The following TRIP11 variants were observed in gnomAD, a reference collection of about 807,000 sequenced individuals.
TRIP11 encodes the protein thyroid receptor-interacting protein 11.
TRIP11 carries 148 observed loss-of-function variants against 223.1 expected under a neutral mutation model. The ratio of observed to expected loss-of-function variants is 0.66; its 90% confidence interval spans 0.58 to 0.76. TRIP11 has a LOEUF of 0.76. Ranked by LOEUF, TRIP11 falls within the 30% of genes least tolerant of loss-of-function variation. The pLI is 0.00. For synonymous variants in TRIP11, 762 were observed against 772.6 expected (o/e 0.99, Z 0.23); for missense variants, 2,043 against 2,222.0 (o/e 0.92, Z 1.62).
rs1204546761 is a variant in TRIP11, at chr14:91,999,307, G to A, written c.4825C>T (p.Leu1609=). The A allele has an allele frequency of 1.9e-6, 3 of 1,613,842 alleles. No individual in the cohort carries two copies. In the South Asian group the frequency reaches 3.3e-5, roughly 18 times the overall value. The part of the protein sequence containing the change: ...ALAAEDREAK[L]RKKVTVLEEK... The stretch of plus-strand genomic sequence containing the variant: ...TCCAATACTGTGACTTTCTTTCTTA[G>A]TTTAGCCTCTCTATCTTCTGCAGCC... Residue 1609 remains leucine, a synonymous_variant, in exon 13 of 21, where the codon CTA becomes TTA. Transcript: ENST00000267622.
rs2056894819 is a variant in TRIP11, at chr14:92,005,870, CTGAT to C, written c.2102_2105del (p.Asn701SerfsTer13). On this transcript the variant is annotated frameshift_variant, in exon 11 of 21. Coordinates refer to ENST00000267622, the MANE Select transcript of TRIP11 (RefSeq NM_004239.4). LOFTEE classifies it high-confidence loss of function. ...CAATAGTGTTTTTTTCCAGAGAAAG[CTGAT>C]TGTTACCAGCAAGACATTCTTCTAA... is the stretch of plus-strand genomic sequence containing the variant. 1 of 1,614,000 alleles carries C rather than the reference CTGAT, an allele frequency of 6.2e-7. No homozygotes were observed. The highest frequency in any genetic ancestry group is 8.5e-7 in the Non-Finnish European group (1 of 1,180,002).
chr14:92,018,209 C>T (rs1240999015), intron 4 of TRIP11, among the ~76,000 whole-genome samples: 2 of 151,942 alleles, frequency 1.3e-5, no homozygotes, highest in African/African-American at 4.8e-5. Context: ...ATCCTCCCAC[C>T]TCAGCCTTCC....
chr14:91,992,871 T>C (rs1047907182), intron 15 of TRIP11, among the ~76,000 whole-genome samples: 2 of 116,886 alleles, frequency 1.7e-5, no homozygotes, highest in Non-Finnish European at 3.2e-5. Context: ...ATCGCGCTAC[T>C]GCACTCCAGC....
intron 13 of TRIP11, among the ~76,000 whole-genome samples, chr14:91,995,795 T>C (rs1466689266): frequency 2.0e-5 from 3 of 152,038 alleles, no homozygotes; most frequent in Non-Finnish European, 4.4e-5. Context: ...TTTGTATTTT[T>C]AGTAAAGATG....
intron 20 of TRIP11, among the ~76,000 whole-genome samples, chr14:91,971,293 G>A (rs2140078888): frequency 6.6e-6 from 1 of 152,226 alleles, no homozygotes; most frequent in East Asian, 1.9e-4. Context: ...GCACTCTTAG[G>A]GTTCCCAAGC....
intron 16 of TRIP11, among the ~76,000 whole-genome samples, chr14:91,981,004 ATATATATATTTT>A (rs2056532142): frequency 1.5e-5 from 1 of 67,582 alleles, no homozygotes; most frequent in Non-Finnish European, 3.0e-5. Context: ...ATATATATAT[ATATATATATTTT>A]TTTTTTTTTT....
intron 11 of TRIP11, among the ~76,000 whole-genome samples, chr14:92,001,672 T>G (rs2056828918): frequency 1.3e-5 from 2 of 152,166 alleles, no homozygotes; most frequent in Non-Finnish European, 2.9e-5. Context: ...CAAAGGTCAA[T>G]GAAATAGAAC....
Position 91,993,079 on chromosome 14 carries a change from T to C in TRIP11, c.5160+730A>G, listed in dbSNP as rs535815012. Among the ~76,000 whole-genome samples the C allele has an allele frequency of 9.2e-5, 14 of 151,652 alleles. No individual in the cohort carries two copies. In the East Asian group the frequency reaches 2.5e-3, roughly 27 times the overall value. On this transcript the variant is annotated intron_variant, in intron 15 of 20. Coordinates refer to ENST00000267622, the MANE Select transcript of TRIP11 (RefSeq NM_004239.4). Reference sequence around the variant, plus strand: ...TGGAATAGAAAAATATTTTAAAGGATGTTATTATACAAAAAAAAAAAGATT... The same window carrying C: ...TGGAATAGAAAAATATTTTAAAGGACGTTATTATACAAAAAAAAAAAGATT...
chr14:91,993,961 G>T, intron 14 of TRIP11, 49 bp from the exon 15 acceptor site: 2 of 1,403,466 alleles, frequency 1.4e-6, no homozygotes, highest in Non-Finnish European at 2.0e-6. Context: ...CGTGTGTTAA[G>T]TTAGAATGTT....
At chr14:92,001,105 C>T (rs1283757851) in intron 11 of TRIP11, among the ~76,000 whole-genome samples, 1 of 152,108 alleles carries the variant, frequency 6.6e-6, no homozygotes, top group African/African-American at 2.4e-5. Flanking sequence ...AGGGGATCCA[C>T]CCACCTCAGC....
At chr14:91,976,561 G>A (rs552114606) in intron 16 of TRIP11, among the ~76,000 whole-genome samples, 1 of 152,204 alleles carries the variant, frequency 6.6e-6, no homozygotes, top group Non-Finnish European at 1.5e-5. Context: ...GGAGGAAGTA[G>A]AAAGGACTTT....
intron 20 of TRIP11, among the ~76,000 whole-genome samples, chr14:91,970,331 T>A (rs1017762066): frequency 6.6e-6 from 1 of 152,028 alleles, no homozygotes; most frequent in East Asian, 1.9e-4. Context: ...GAGAATCACT[T>A]GAACCTAGGA....
At chr14:91,988,605 C>A (rs1566849521) in intron 15 of TRIP11, among the ~76,000 whole-genome samples, 1 of 139,490 alleles carries the variant, frequency 7.2e-6, no homozygotes. Flanking sequence ...AGAGCAGATG[C>A]CACTGAAAGA....
chr14:91,966,015 GT>G lies in TRIP11; in HGVS notation c.*3657del, dbSNP rs2056339542. 1 of 166,608 alleles carries G rather than the reference GT, an allele frequency of 6.0e-6. No individual in the cohort carries two copies. Among genetic ancestry groups the G allele is most frequent in the Non-Finnish European group, 1.3e-5 (1 of 76,342 alleles). 10.3% of individuals were successfully genotyped at this position (166,608 alleles called of 1,614,324 possible). On this transcript the variant is annotated 3_prime_UTR_variant, in exon 21 of 21. Coordinates refer to ENST00000267622, the MANE Select transcript of TRIP11 (RefSeq NM_004239.4). ...CTGTTTGCTAAAAATTTTTTTTATTGTGACTGAAGACATTGCCAACTTACAT... is the reference window on the plus strand; with the variant it reads ...CTGTTTGCTAAAAATTTTTTTTATTGGACTGAAGACATTGCCAACTTACAT...
At chr14:91,999,683 T>C (rs927407376) in intron 12 of TRIP11, among the ~76,000 whole-genome samples, 2 of 152,194 alleles carry the variant, frequency 1.3e-5, no homozygotes, top group African/African-American at 2.4e-5. Flanking sequence ...ATTCATTCTG[T>C]ATAAAGTACT....
intron 4 of TRIP11, 82 bp downstream of exon 4, chr14:92,021,474 C>T: frequency 1.4e-6 from 2 of 1,400,538 alleles, no homozygotes; most frequent in East Asian, 2.3e-5. Context: ...TTTCTGATAT[C>T]AAAAGCTCTA....
At chr14:92,038,599 T>A (rs549081655) in intron 1 of TRIP11, among the ~76,000 whole-genome samples, 1 of 150,980 alleles carries the variant, frequency 6.6e-6, no homozygotes, top group Middle Eastern at 3.4e-3. Context: ...TTCTACCAAA[T>A]AAATATGAAG....
chr14:92,025,977 T>C (rs1281734723), intron 2 of TRIP11, among the ~76,000 whole-genome samples: 1 of 152,248 alleles, frequency 6.6e-6, no homozygotes, highest in Non-Finnish European at 1.5e-5. Flanking sequence ...CAGATTGATT[T>C]TCTGCTAAGA....
chr14:92,000,393 A>G (rs776930367), intron 11 of TRIP11, among the ~76,000 whole-genome samples: 2 of 152,226 alleles, frequency 1.3e-5, no homozygotes, highest in Non-Finnish European at 2.9e-5. Flanking sequence ...TCCTGCCGGT[A>G]CAGGAAAAGG....
Sources: gnomAD v4.1 joint callset for allele counts (sites outside exome capture counted in the v4.1 genomes callset) on GRCh38, gnomAD v4.1.1 for gene constraint, MANE v1.5 for transcripts, NCBI Gene and HGNC (gene_info 2026-07-23, HGNC 2026-07-21) for gene names.